SLC22A9: variants seen among roughly 807,000 people sequenced by gnomAD.
SLC22A9 encodes the protein solute carrier family 22 member 9.
Under a neutral mutation model 50.1 loss-of-function variants are expected in SLC22A9, and 64 were observed. The observed-to-expected ratio is 1.28, with a 90% CI of 1.04 to 1.57. The LOEUF (loss-of-function observed/expected upper bound fraction) is 1.57, where lower values mean the gene tolerates loss of function less well. Ranked by LOEUF, SLC22A9 falls within the 40% of genes most tolerant of loss-of-function variation. SLC22A9 has a pLI of 0.00. For synonymous variants in SLC22A9, 261 were observed against 242.5 expected, an observed-to-expected ratio of 1.08 and a Z score of -0.71; for missense variants, 757 against 676.1, an observed-to-expected ratio of 1.12 and a Z score of -1.33.
At chr11:63,375,500 C>G in intron 4 of SLC22A9, 145 bp from the exon 5 acceptor site, 1 of 1,149,736 alleles carries the variant, frequency 8.7e-7, no homozygotes, top group South Asian at 1.6e-5. Flanking sequence ...TAGTTATAGT[C>G]AAAGAGAATG....
At chr11:63,395,710 G>T (rs192225836) in intron 6 of SLC22A9, among the ~76,000 whole-genome samples, 42 of 152,252 alleles carry the variant, frequency 2.8e-4, no homozygotes, top group Admixed American at 1.2e-3. Context: ...GCTGGGGGTG[G>T]CACTTTCCAG....
chr11:63,391,416 A>G (rs974317589), intron 6 of SLC22A9, among the ~76,000 whole-genome samples: 1 of 152,072 alleles, frequency 6.6e-6, no homozygotes, highest in African/African-American at 2.4e-5. Flanking sequence ...GAAAGTGGGA[A>G]GTTGAAGTCT....
Position 63,408,121 on chromosome 11 carries a change from C to A in SLC22A9, c.1298C>A (p.Thr433Lys), listed in dbSNP as rs61742518. ...TTCTTCCTTTCTCCAGAAATGCAGACGCTGCGTGAGGTTTTGGCAACACTG... is the reference window on the plus strand; with the variant it reads ...TTCTTCCTTTCTCCAGAAATGCAGAAGCTGCGTGAGGTTTTGGCAACACTG... The part of the protein sequence containing the change: ...AIIFVPQEMQ[T>K]LREVLATLGL... Residue 433 changes from threonine to lysine, a missense_variant, in exon 8 of 10, where the codon ACG becomes AAG. Physicochemically the swap from Thr to Lys is moderately conservative, Grantham distance 78. Coordinates refer to ENST00000279178, the MANE Select transcript of SLC22A9 (RefSeq NM_080866.3). The A allele has an allele frequency of 1.2e-6, 2 of 1,613,124 alleles. No individual in the cohort carries two copies. Among genetic ancestry groups the A allele is most frequent in the South Asian group, 1.1e-5 (1 of 91,022 alleles).
At chr11:63,395,517 C>T (rs1263554586) in intron 6 of SLC22A9, among the ~76,000 whole-genome samples, 1 of 152,174 alleles carries the variant, frequency 6.6e-6, no homozygotes, top group Non-Finnish European at 1.5e-5. Context: ...AACAAGTCTA[C>T]CAGGCTCTGG....
At chr11:63,389,720 T>C (rs926100702) in intron 6 of SLC22A9, among the ~76,000 whole-genome samples, 1 of 152,184 alleles carries the variant, frequency 6.6e-6, no homozygotes, top group African/African-American at 2.4e-5. Flanking sequence ...CTGGGTCAAA[T>C]GGTATTTCTG....
chr11:63,403,293 C>T lies in SLC22A9; in HGVS notation c.1074-3204C>T, dbSNP rs191934692. Among the ~76,000 whole-genome samples, 79 of 152,142 alleles carry T rather than the reference C, an allele frequency of 5.2e-4. 1 individual carries two copies. The highest frequency in any genetic ancestry group is 4.7e-3 in the Admixed American group (72 of 15,264). On this transcript the variant is annotated intron_variant, in intron 6 of 9. Transcript: ENST00000279178. ...GGGGGATGGCAGATTTCTGCAGAAA[C>T]CTTGTAGGCCAACAGAGAGTGGGAT...
rs368736473 is a variant in SLC22A9, at chr11:63,409,876, C to T, written c.*14C>T. ...ACGCAGTTTTAAGGAATTCCAGGAG[C>T]TGACTGCCGATCAATGAGCCAGATG... On this transcript the variant is annotated 3_prime_UTR_variant, in exon 10 of 10. Transcript: ENST00000279178. 10 of 1,612,970 alleles carry T rather than the reference C, an allele frequency of 6.2e-6. No individual in the cohort carries two copies. The highest frequency in any genetic ancestry group is 5.3e-5 in the African/African-American group (4 of 74,818).
intron 6 of SLC22A9, among the ~76,000 whole-genome samples, chr11:63,390,730 C>G (rs1158069773): frequency 1.3e-5 from 2 of 152,006 alleles, no homozygotes; most frequent in South Asian, 2.1e-4. Flanking sequence ...TCTATGAAGA[C>G]AGCCACTGGT....
At chr11:63,380,339 T>C (rs1011069985) in intron 5 of SLC22A9, among the ~76,000 whole-genome samples, 2 of 152,212 alleles carry the variant, frequency 1.3e-5, no homozygotes, top group Non-Finnish European at 2.9e-5. Flanking sequence ...CTACTGGGTG[T>C]ATACCCCTCA....
chr11:63,397,091 G>GCT (rs2014872563), intron 6 of SLC22A9, among the ~76,000 whole-genome samples: 1 of 152,144 alleles, frequency 6.6e-6, no homozygotes, highest in African/African-American at 2.4e-5. Flanking sequence ...CATTAGGAGG[G>GCT]ACCCCAAGGC....
At chr11:63,397,753 A>G (rs1476824707) in intron 6 of SLC22A9, among the ~76,000 whole-genome samples, 1 of 152,092 alleles carries the variant, frequency 6.6e-6, no homozygotes, top group African/African-American at 2.4e-5. Context: ...TGCTGCTTCC[A>G]GGCCTGAGAA....
chr11:63,398,730 G>A (rs949668974), intron 6 of SLC22A9, among the ~76,000 whole-genome samples: 8 of 151,918 alleles, frequency 5.3e-5, no homozygotes, highest in African/African-American at 1.5e-4. Context: ...ATTCAAGGAA[G>A]TCTTTCCTAC....
At chr11:63,383,111 A>G (rs2014595570) in intron 6 of SLC22A9, among the ~76,000 whole-genome samples, 1 of 152,204 alleles carries the variant, frequency 6.6e-6, no homozygotes, top group African/African-American at 2.4e-5. Context: ...ATAGAAGGTG[A>G]GCACAAAGAA....
rs762762181 is a variant in SLC22A9 at position 63,370,287 on chromosome 11, C to T, written c.231C>T (p.Ile77=). The T allele has an allele frequency of 1.8e-5, 29 of 1,613,938 alleles. No individual in the cohort carries two copies. Among genetic ancestry groups the T allele is most frequent in the Non-Finnish European group, 2.5e-5 (29 of 1,179,938 alleles). Residue 77 remains isoleucine, a synonymous_variant, in exon 1 of 10, where the codon ATC becomes ATT. Coordinates refer to ENST00000279178, the MANE Select transcript of SLC22A9 (RefSeq NM_080866.3). Reference sequence around the variant, plus strand: ...AAGATGCACTCTTGAGAATCTCCATCCCACTGGACTCAAACATGAGGCCAG... The same window carrying T: ...AAGATGCACTCTTGAGAATCTCCATTCCACTGGACTCAAACATGAGGCCAG... ...LSQDALLRIS[I]PLDSNMRPEK...
rs777235876 is a variant in SLC22A9, at chr11:63,382,174, A to G, written c.970A>G (p.Met324Val). Residue 324 changes from methionine to valine, a missense_variant, in exon 6 of 10, where the codon ATG becomes GTG. Physicochemically the swap from Met to Val is conservative, Grantham distance 21. Transcript: ENST00000279178. The part of the protein sequence containing the change: ...TLTLEILKST[M>V]KKELEAAQKK... ...ATTGTTGAAGATTTTGAAATCCACCATGAAAAAAGAACTGGAGGCAGCACA... is the reference window on the plus strand; with the variant it reads ...ATTGTTGAAGATTTTGAAATCCACCGTGAAAAAAGAACTGGAGGCAGCACA... 4 of 1,604,524 alleles carry G rather than the reference A, an allele frequency of 2.5e-6. No individual in the cohort carries two copies. The highest frequency in any genetic ancestry group is 2.5e-6 in the Non-Finnish European group (3 of 1,177,148).
At chr11:63,389,514 TC>T in intron 6 of SLC22A9, among the ~76,000 whole-genome samples, 1 of 152,324 alleles carries the variant, frequency 6.6e-6, no homozygotes, top group East Asian at 1.9e-4. Flanking sequence ...CATGAACTCA[TC>T]CATTTTTATG....
chr11:63,382,914 T>C (rs2014592162), intron 6 of SLC22A9, among the ~76,000 whole-genome samples: 1 of 152,118 alleles, frequency 6.6e-6, no homozygotes, highest in Non-Finnish European at 1.5e-5. Flanking sequence ...GACAACCCCT[T>C]CCCAAAGTTG....
intron 6 of SLC22A9, among the ~76,000 whole-genome samples, chr11:63,391,938 T>C (rs1156252361): frequency 6.6e-6 from 1 of 152,100 alleles, no homozygotes; most frequent in Non-Finnish European, 1.5e-5. Context: ...TCATTGGTGA[T>C]ATGTTTTAAT....
intron 6 of SLC22A9, among the ~76,000 whole-genome samples, chr11:63,400,768 A>G (rs2014939254): frequency 6.6e-6 from 1 of 152,166 alleles, no homozygotes; most frequent in African/African-American, 2.4e-5. Flanking sequence ...AATAGTAGCA[A>G]ACAAAATTTT....
Sources: gnomAD v4.1 joint callset for allele counts (sites outside exome capture counted in the v4.1 genomes callset) on GRCh38, gnomAD v4.1.1 for gene constraint, MANE v1.5 for transcripts, NCBI Gene and HGNC (gene_info 2026-07-23, HGNC 2026-07-21) for gene names.